Variants in NXN observed in about 807,000 individuals in gnomAD.
NXN encodes the protein nucleoredoxin 1.
NXN carries 16 observed loss-of-function variants against 48.6 expected under a neutral mutation model. That is an observed-to-expected ratio of 0.33 (90% CI 0.22 to 0.50). NXN has a LOEUF of 0.50. NXN is among the 20% of genes least tolerant of loss of function. NXN has a pLI of 0.98. For synonymous variants in NXN, 281 were observed against 269.6 expected, an observed-to-expected ratio of 1.04 and a Z score of -0.41; for missense variants, 492 against 605.5, an observed-to-expected ratio of 0.81 and a Z score of 1.97.
intron 1 of NXN, among the ~76,000 whole-genome samples, chr17:856,378 T>C (rs1250229987): frequency 6.6e-6 from 1 of 152,114 alleles, no homozygotes; most frequent in Non-Finnish European, 1.5e-5. Context: ...TCTGGGACTC[T>C]GGCTGGATGT....
At chr17:814,419 A>C (rs1912354436) in intron 5 of NXN, among the ~76,000 whole-genome samples, 1 of 152,132 alleles carries the variant, frequency 6.6e-6, no homozygotes, top group Non-Finnish European at 1.5e-5. Context: ...ATTCTGCTCC[A>C]CGGATGATGA....
At chr17:819,813 C>G (rs879376380) in intron 4 of NXN, among the ~76,000 whole-genome samples, 2 of 152,134 alleles carry the variant, frequency 1.3e-5, no homozygotes, top group Non-Finnish European at 2.9e-5. Context: ...AACTCAGGTC[C>G]AACTTTCCAT....
At chr17:834,083 G>A (rs566220075) in intron 1 of NXN, among the ~76,000 whole-genome samples, 8 of 152,310 alleles carry the variant, frequency 5.3e-5, no homozygotes, top group East Asian at 1.9e-4. Flanking sequence ...ACTCTGGGGG[G>A]ACGAGGCGGG....
chr17:937,001 C>T (rs1335178246), intron 1 of NXN, among the ~76,000 whole-genome samples: 7 of 151,728 alleles, frequency 4.6e-5, no homozygotes, highest in African/African-American at 1.7e-4. Context: ...CCCAGGAGGC[C>T]GAGATTGCAC....
At chr17:944,653 T>C (rs1327062808) in intron 1 of NXN, among the ~76,000 whole-genome samples, 3 of 152,094 alleles carry the variant, frequency 2.0e-5, no homozygotes, top group African/African-American at 7.2e-5. Flanking sequence ...AGCCAGCCGG[T>C]AGGAGGAGGG....
At chr17:812,955 G>A (rs775684680) in intron 5 of NXN, among the ~76,000 whole-genome samples, 1 of 149,348 alleles carries the variant, frequency 6.7e-6, no homozygotes, top group Non-Finnish European at 1.5e-5. Flanking sequence ...TGTGAGTGTA[G>A]GTGTGCATGT....
chr17:878,325 G>A (rs926861016), intron 1 of NXN: 1 of 148,816 alleles, frequency 6.7e-6, no homozygotes, highest in Non-Finnish European at 1.5e-5. Context: ...CAGTGTGGCT[G>A]AGCAGAGTGT....
rs776302803 is a variant in NXN at position 946,232 on chromosome 17, G to GA, written c.360+33086dup. On this transcript the variant is annotated intron_variant, in intron 1 of 7. Coordinates refer to ENST00000336868, the MANE Select transcript of NXN (RefSeq NM_022463.5). ...CTCACTGCAAGCTCCGCCTCCCGGG[G>GA]ATCCCTGCTCACTGCAAGCTCCGCC... 4.4e-3 allele frequency among the ~76,000 whole-genome samples: 191 copies of GA among 43,720 alleles called. 1 individual carries two copies. Among genetic ancestry groups the GA allele is most frequent in the Non-Finnish European group, 0.018 (142 of 8,030 alleles). 28.7% of individuals were successfully genotyped at this position (43,720 alleles called of 152,430 possible). A position where few individuals can be genotyped will look rare whatever the true frequency, so the allele number is the denominator to read the frequency against.
rs1209471934 is a variant in NXN, at chr17:823,113, AGG to A, written c.612+517_612+518del. 1.3e-3 allele frequency among the ~76,000 whole-genome samples: 183 copies of A among 140,606 alleles called. 1 individual carries two copies. The highest frequency in any genetic ancestry group is 2.8e-3 in the South Asian group (12 of 4,348). The allele number at this position is 140,606 out of a possible 152,430, so 92.2% of individuals were successfully genotyped here. ...AGACTCTGTCTCAAAAAAAAAAAAA[AGG>A]GGGCCAGGCACGATGGTTCATGCTT... On this transcript the variant is annotated intron_variant, in intron 3 of 7. Coordinates refer to ENST00000336868, the MANE Select transcript of NXN (RefSeq NM_022463.5).
Position 821,118 on chromosome 17 carries a change from T to C in NXN, c.713+1239A>G, listed in dbSNP as rs1194110391. 6.8e-5 allele frequency among the ~76,000 whole-genome samples: 5 copies of C among 73,368 alleles called. 2 individuals carry two copies. The highest frequency in any genetic ancestry group is 1.2e-4 in the Non-Finnish European group (5 of 40,382). The allele number at this position is 73,368 out of a possible 152,430, so 48.1% of individuals were successfully genotyped here. On this transcript the variant is annotated intron_variant, in intron 4 of 7. Transcript: ENST00000336868. The stretch of plus-strand genomic sequence containing the variant: ...CACGGCAGAGGCGGGAGCTGTGGCA[T>C]GGCAGAGCAGGACTGCGGGCCAATA...
chr17:831,656 C>T (rs1913481549), intron 1 of NXN, among the ~76,000 whole-genome samples: 1 of 151,818 alleles, frequency 6.6e-6, no homozygotes, highest in Admixed American at 6.6e-5. Flanking sequence ...TTCGCCACCA[C>T]ACCTGGCTAA....
intron 1 of NXN, among the ~76,000 whole-genome samples, chr17:889,747 GAA>G (rs774616443): frequency 0.26 from 20,919 of 79,534 alleles, 2,291 homozygotes; most frequent in Middle Eastern, 0.38. Flanking sequence ...AAGAAAGAAA[GAA>G]AGAAAGAAAG....
chr17:801,143 A>G lies in NXN; in HGVS notation c.1126-12T>C, dbSNP rs1338067333. On this transcript the variant is annotated splice_polypyrimidine_tract_variant and intron_variant, in intron 7 of 7. Coordinates refer to ENST00000336868, the MANE Select transcript of NXN (RefSeq NM_022463.5). Reference sequence around the variant, plus strand: ...TCAGTCATGTCATCCTGAAGCCGTCAGGAGGGAGAGAAAACCAAGAAGTTT... The same window carrying G: ...TCAGTCATGTCATCCTGAAGCCGTCGGGAGGGAGAGAAAACCAAGAAGTTT... 1 of 1,509,744 alleles carries G rather than the reference A, an allele frequency of 6.6e-7. No individual in the cohort carries two copies. The highest frequency in any genetic ancestry group is 2.6e-5 in the East Asian group (1 of 38,868). 93.5% of individuals were successfully genotyped at this position (1,509,744 alleles called of 1,614,324 possible).
At chr17:883,115 G>A (rs2068303801) in intron 1 of NXN, among the ~76,000 whole-genome samples, 1 of 152,092 alleles carries the variant, frequency 6.6e-6, no homozygotes, top group South Asian at 2.1e-4. Context: ...AGCTACTTGG[G>A]GAAGGCTACA....
At chr17:815,370 C>T (rs4968118) in intron 5 of NXN, among the ~76,000 whole-genome samples, 15,014 of 149,494 alleles carry the variant, frequency 0.1, 632 homozygotes, top group Middle Eastern at 0.16. Context: ...GTTTTGAAGG[C>T]GACGAGGCAC....
chr17:906,578 T>A (rs1384659834), intron 1 of NXN, among the ~76,000 whole-genome samples: 5 of 151,002 alleles, frequency 3.3e-5, no homozygotes, highest in Admixed American at 3.3e-4. Flanking sequence ...CTGGGTTTTT[T>A]TTTTTTTTGA....
intron 1 of NXN, among the ~76,000 whole-genome samples, chr17:872,307 GGA>G (rs145558544): frequency 0.25 from 36,297 of 147,642 alleles, 4,815 homozygotes; most frequent in Middle Eastern, 0.37. Context: ...TCAAAGACTA[GGA>G]GAGAGAGAGA....
In NXN at chr17:803,712, C is replaced by G; in HGVS notation, c.1095G>C (p.Glu365Asp). The change falls in exon 7 of 8, where the codon GAG (glutamate) becomes GAC (aspartate). Residue 365 changes from glutamate to aspartate, a missense_variant. Physicochemically the swap from Glu to Asp is conservative, Grantham distance 45. Around this residue, in one of 3 missense-constraint regions of NXN, gnomAD observed 303 missense variants for 388.3 expected, o/e 0.78. Coordinates refer to ENST00000336868, the MANE Select transcript of NXN (RefSeq NM_022463.5). Reference protein sequence around the residue: ...IIAKYKAKEEEAPLLFFVAGE... With the variant: ...IIAKYKAKEEDAPLLFFVAGE... Reference sequence around the variant, plus strand: ...CGGCTACGAAGAACAGAAGGGGTGCCTCCTCCTCTTTGGCTTTGTACTTGG... The same window carrying G: ...CGGCTACGAAGAACAGAAGGGGTGCGTCCTCCTCTTTGGCTTTGTACTTGG... 1 of 1,614,236 alleles carries G rather than the reference C, an allele frequency of 6.2e-7. No individual in the cohort carries two copies. Among genetic ancestry groups the G allele is most frequent in the Non-Finnish European group, 8.5e-7 (1 of 1,180,044 alleles).
chr17:931,748 T>C (rs1366117401), intron 1 of NXN, among the ~76,000 whole-genome samples: 1 of 140,488 alleles, frequency 7.1e-6, no homozygotes, highest in Non-Finnish European at 1.5e-5. Flanking sequence ...GGCAGGAGAA[T>C]AGCATGAACC....
Sources: allele counts gnomAD v4.1 joint callset (sites outside exome capture counted in the v4.1 genomes callset), GRCh38; gene constraint gnomAD v4.1.1; regional missense constraint gnomAD v4.1.1; transcripts MANE v1.5; gene names NCBI Gene and HGNC (gene_info 2026-07-23, HGNC 2026-07-21).